Variants in SIPA1L3 observed in about 807,000 individuals in gnomAD.
SIPA1L3 encodes the protein signal-induced proliferation-associated 1-like protein 3.
In SIPA1L3, 59 loss-of-function variants were observed where a neutral mutation model predicts 150.1. That is an observed-to-expected ratio of 0.39 (90% CI 0.32 to 0.49). SIPA1L3 has a LOEUF of 0.49. SIPA1L3 is among the 20% of genes least tolerant of loss of function. The pLI, the probability that SIPA1L3 is intolerant of heterozygous loss-of-function variation, is 0.86. For missense variants in SIPA1L3, 2,211 were observed against 2,489.5 expected (o/e 0.89, Z 2.38); for synonymous variants, 1,070 against 1,077.6 (o/e 0.99, Z 0.14).
chr19:38,111,930 C>G (rs1032891866), intron 8 of SIPA1L3, among the ~76,000 whole-genome samples: 1 of 151,780 alleles, frequency 6.6e-6, no homozygotes, highest in Non-Finnish European at 1.5e-5. Flanking sequence ...CATCCGTGCA[C>G]ACATGCACAT....
intron 16 of SIPA1L3, chr19:38,185,398 T>G (rs1249658212): frequency 6.6e-6 from 1 of 152,128 alleles, no homozygotes; most frequent in Non-Finnish European, 1.5e-5. Flanking sequence ...CCTGTTACCC[T>G]CCTCAACAAT....
intron 16 of SIPA1L3, among the ~76,000 whole-genome samples, chr19:38,184,010 G>A (rs1378063497): frequency 1.3e-5 from 2 of 152,168 alleles, no homozygotes; most frequent in Non-Finnish European, 2.9e-5. Context: ...AAGTGAAAGA[G>A]GAGAGGGGTG....
At position 38,076,798 on chromosome 19, in the gene SIPA1L3, G is replaced by A. The variant is rs564376005; in HGVS notation, c.-310-4458G>A. Among the ~76,000 whole-genome samples the A allele has an allele frequency of 1.4e-4, 21 of 152,320 alleles. No homozygotes were observed. In the East Asian group the frequency reaches 2.5e-3, roughly 18 times the overall value. On this transcript the variant is annotated intron_variant, in intron 2 of 21. Coordinates refer to ENST00000222345, the MANE Select transcript of SIPA1L3 (RefSeq NM_015073.3). ...AAATGAATCCAGTGTGAGGACCATC[G>A]TAAAAAATGAAAAGGAAATTCATGA... is the stretch of plus-strand genomic sequence containing the variant.
At chr19:38,183,093 T>G in intron 16 of SIPA1L3, 1 of 234,458 alleles carries the variant, frequency 4.3e-6, no homozygotes, top group Non-Finnish European at 8.2e-6. Context: ...CCGGGGTGGC[T>G]GGAACAGTTT....
chr19:37,929,868 T>G (rs1308206308), intron 1 of SIPA1L3, among the ~76,000 whole-genome samples: 1 of 152,116 alleles, frequency 6.6e-6, no homozygotes, highest in Non-Finnish European at 1.5e-5. Context: ...TGTATGTGTT[T>G]GTTGTTTTTA....
At chr19:38,144,509 C>T (rs1389266782) in intron 12 of SIPA1L3, among the ~76,000 whole-genome samples, 1 of 152,242 alleles carries the variant, frequency 6.6e-6, no homozygotes, top group Non-Finnish European at 1.5e-5. Context: ...ATTATTGGGC[C>T]TGAGCCCCAA....
chr19:38,123,016 C>T (rs1971058152), intron 9 of SIPA1L3, among the ~76,000 whole-genome samples: 1 of 152,226 alleles, frequency 6.6e-6, no homozygotes, highest in African/African-American at 2.4e-5. Context: ...ATCTGGTGCA[C>T]AGTAGCCGCT....
At chr19:37,958,737 A>G (rs2046832109) in intron 1 of SIPA1L3, among the ~76,000 whole-genome samples, 2 of 152,230 alleles carry the variant, frequency 1.3e-5, no homozygotes, top group African/African-American at 4.8e-5. Flanking sequence ...GGATGCCATC[A>G]AGAACATAAA....
intron 8 of SIPA1L3, among the ~76,000 whole-genome samples, 171 bp downstream of exon 8, chr19:38,110,555 A>T (rs1970715937): frequency 6.6e-6 from 1 of 152,178 alleles, no homozygotes; most frequent in Non-Finnish European, 1.5e-5. Context: ...AGAAAGGGGC[A>T]TGGCTCCCCA....
rs561571356 is a variant in SIPA1L3, at chr19:38,023,357, C to T, written c.-378-5732C>T. Among the ~76,000 whole-genome samples, 8 of 152,294 alleles carry T rather than the reference C, an allele frequency of 5.3e-5. No homozygotes were observed. The South Asian group carries it at 1.0e-3, about 20-fold the overall frequency. On this transcript the variant is annotated intron_variant, in intron 1 of 21. Coordinates refer to ENST00000222345, the MANE Select transcript of SIPA1L3 (RefSeq NM_015073.3). The stretch of plus-strand genomic sequence containing the variant: ...CCGCATCAATCCGCAAAAGAACCAG[C>T]GCTAAATCATTATTGTGTGCTATTA...
At chr19:37,913,696 T>A (rs2046393563) in intron 1 of SIPA1L3, among the ~76,000 whole-genome samples, 1 of 146,394 alleles carries the variant, frequency 6.8e-6, no homozygotes, top group African/African-American at 2.5e-5. Context: ...GTGCCCAGCC[T>A]TTTCTTTCTT....
Position 38,081,613 on chromosome 19 carries a change from C to T in SIPA1L3, c.48C>T (p.Ala16=). The T allele has an allele frequency of 6.2e-7, 1 of 1,603,296 alleles. No homozygotes were observed. Among genetic ancestry groups the T allele is most frequent in the Non-Finnish European group, 8.5e-7 (1 of 1,172,866 alleles). ...AIPSDGVDLA[A]SCGARVGDVL... ...CCAGCGATGGTGTGGACCTGGCAGCCAGCTGTGGCGCCAGGGTGGGCGATG... is the reference window on the plus strand; with the variant it reads ...CCAGCGATGGTGTGGACCTGGCAGCTAGCTGTGGCGCCAGGGTGGGCGATG... The change falls in exon 3 of 22, where the codon GCC becomes GCT. Residue 16 remains alanine (A), a synonymous_variant. Coordinates refer to ENST00000222345, the MANE Select transcript of SIPA1L3 (RefSeq NM_015073.3).
chr19:37,948,415 C>T (rs1052975122), intron 1 of SIPA1L3, among the ~76,000 whole-genome samples: 40 of 149,552 alleles, frequency 2.7e-4, no homozygotes, highest in African/African-American at 9.9e-4. Flanking sequence ...TGCAGTGAGC[C>T]GTGATTGTGC....
intron 1 of SIPA1L3, among the ~76,000 whole-genome samples, chr19:37,960,521 A>G (rs2046848400): frequency 6.6e-6 from 1 of 150,984 alleles, no homozygotes. Flanking sequence ...CTCCTGCCTC[A>G]GCCTCCCGAG....
intron 11 of SIPA1L3, 65 bp downstream of exon 11, chr19:38,141,500 CT>C: frequency 1.3e-6 from 2 of 1,487,340 alleles, no homozygotes; most frequent in Non-Finnish European, 1.8e-6. Context: ...TCCTCCGCCC[CT>C]CCCTCTCCTC....
chr19:38,027,486 G>A (rs149301255), intron 1 of SIPA1L3, among the ~76,000 whole-genome samples: 1 of 152,192 alleles, frequency 6.6e-6, no homozygotes, highest in East Asian at 1.9e-4. Flanking sequence ...GAGATTCCTG[G>A]AGGAGCTGAC....
At chr19:38,099,057 A>T (rs534808186) in intron 4 of SIPA1L3, among the ~76,000 whole-genome samples, 1 of 150,242 alleles carries the variant, frequency 6.7e-6, no homozygotes, top group Non-Finnish European at 1.5e-5. Context: ...CTTTTCTCAG[A>T]CTGAGTGTTG....
At chr19:38,003,903 C>T (rs554953754) in intron 1 of SIPA1L3, among the ~76,000 whole-genome samples, 1 of 152,122 alleles carries the variant, frequency 6.6e-6, no homozygotes, top group East Asian at 1.9e-4. Context: ...CATCCCCCAC[C>T]CCCACCCCCA....
At chr19:37,917,242 G>A (rs1428760344) in intron 1 of SIPA1L3, among the ~76,000 whole-genome samples, 1 of 152,086 alleles carries the variant, frequency 6.6e-6, no homozygotes, top group Non-Finnish European at 1.5e-5. Context: ...GCTACATGTG[G>A]CTAATGGCTA....
Sources: gnomAD v4.1 joint callset for allele counts (sites outside exome capture counted in the v4.1 genomes callset) on GRCh38, gnomAD v4.1.1 for gene constraint, MANE v1.5 for transcripts, NCBI Gene and HGNC (gene_info 2026-07-23, HGNC 2026-07-21) for gene names.